GRK4: variants seen among roughly 807,000 people sequenced by gnomAD.
The protein encoded by GRK4 is G protein-coupled receptor kinase 2-like.
GRK4 carries 73 observed loss-of-function variants against 77.9 expected under a neutral mutation model. That is an observed-to-expected ratio of 0.94 (90% CI 0.78 to 1.14). The LOEUF (loss-of-function observed/expected upper bound fraction) is 1.14, where lower values mean the gene tolerates loss of function less well. Among genes scored for constraint, GRK4 ranks in the 50% most tolerant of loss-of-function variants. The pLI is 0.00. For missense variants in GRK4, 729 were observed against 700.2 expected, an observed-to-expected ratio of 1.04 and a Z score of -0.46; for synonymous variants, 257 against 254.4, an observed-to-expected ratio of 1.01 and a Z score of -0.10.
At position 3,019,824 on chromosome 4, in the gene GRK4, G is replaced by A. The variant is rs752109205; in HGVS notation, c.925G>A (p.Val309Ile). Residue 309 changes from valine to isoleucine, a missense_variant, in exon 9 of 16, where the codon GTA becomes ATA. Physicochemically the swap from Val to Ile is conservative, Grantham distance 29. Coordinates refer to ENST00000398052, the MANE Select transcript of GRK4 (RefSeq NM_182982.3). ...GGAAGATTTACAGAGGGAAAGAATT[G>A]TATACAGGTAAGAACGGTGCTACCT... Reference protein sequence around the residue: ...GLEDLQRERIVYRDLKPENIL... With the variant: ...GLEDLQRERIIYRDLKPENIL... 5.0e-6 allele frequency: 8 copies of A among 1,613,764 alleles called. No homozygotes were observed. The highest frequency in any genetic ancestry group is 6.8e-6 in the Non-Finnish European group (8 of 1,179,776).
chr4:2,985,835 A>C, intron 2 of GRK4: 1 of 183,496 alleles, frequency 5.4e-6, no homozygotes, highest in Non-Finnish European at 1.2e-5. Flanking sequence ...CGTCTCTACT[A>C]AAAATACAAA....
At chr4:2,988,075 C>CAAAAAAAAAAAAAAGAAAAAA (rs1724928342) in intron 2 of GRK4, among the ~76,000 whole-genome samples, 1 of 33,656 alleles carries the variant, frequency 3.0e-5, no homozygotes, top group Non-Finnish European at 5.8e-5. Flanking sequence ...GGCTCTGTCT[C>CAAAAAAAAAAAAAAGAAAAAA]AAAAAAAAAA....
At chr4:3,004,134 C>G (rs1465688099) in intron 4 of GRK4, 97 bp from the exon 5 acceptor site, 2 of 910,676 alleles carry the variant, frequency 2.2e-6, no homozygotes, top group Admixed American at 2.0e-5. Flanking sequence ...ATTTTATACA[C>G]TTTGTGTTTC....
At chr4:2,999,243 C>T (rs946054726) in intron 4 of GRK4, among the ~76,000 whole-genome samples, 4 of 152,136 alleles carry the variant, frequency 2.6e-5, no homozygotes, top group Non-Finnish European at 4.4e-5. Context: ...GGTATGCACA[C>T]GCCTGGGTGG....
At chr4:2,971,449 A>T (rs1051576973) in intron 1 of GRK4, among the ~76,000 whole-genome samples, 1 of 152,170 alleles carries the variant, frequency 6.6e-6, no homozygotes, top group African/African-American at 2.4e-5. Context: ...GTTGTGGCCT[A>T]TAGTAGGTTC....
intron 12 of GRK4, among the ~76,000 whole-genome samples, chr4:3,030,299 G>A (rs541307411): frequency 6.6e-6 from 1 of 152,318 alleles, no homozygotes; most frequent in South Asian, 2.1e-4. Context: ...ATGAGCCAGT[G>A]GCTGTCAGGG....
Position 3,028,136 on chromosome 4 carries a change from A to G in GRK4, c.1060+135A>G, listed in dbSNP as rs368809818. ...AGTAGATGGCGCAGTGGTGTTTTGA[A>G]TCTCTAACCTGTCAGAGTGTTGAGG... On this transcript the variant is annotated intron_variant, in intron 11 of 15. Transcript: ENST00000398052. The G allele has an allele frequency of 1.3e-4, 90 of 718,898 alleles. No individual in the cohort carries two copies. The Middle Eastern group carries it at 2.4e-3, about 19-fold the overall frequency. 44.5% of individuals were successfully genotyped at this position (718,898 alleles called of 1,614,324 possible).
At chr4:2,990,246 CTTTTTTTTTTTTTTTTTT>C (rs71644371) in intron 3 of GRK4, among the ~76,000 whole-genome samples, 1 of 70,716 alleles carries the variant, frequency 1.4e-5, no homozygotes, top group African/African-American at 6.3e-5. Flanking sequence ...TCTTCTTCTT[CTTTTTTTTTTTTTTTTTT>C]TTTTTTTTTG....
chr4:2,964,016 G>A lies in GRK4; in HGVS notation c.-55G>A, dbSNP rs1324818945. 8 of 1,538,250 alleles carry A rather than the reference G, an allele frequency of 5.2e-6. No individual in the cohort carries two copies. The highest frequency in any genetic ancestry group is 7.1e-6 in the Non-Finnish European group (8 of 1,122,496). ...GGGCGGCGGCGTCTCCTCCTGTTCC[G>A]CCTCCTCAGTCTCCTCGGTCTCGCA... On this transcript the variant is annotated 5_prime_UTR_variant, in exon 1 of 16. Coordinates refer to ENST00000398052, the MANE Select transcript of GRK4 (RefSeq NM_182982.3).
chr4:2,994,692 G>A (rs774799148), intron 4 of GRK4, among the ~76,000 whole-genome samples: 5 of 152,150 alleles, frequency 3.3e-5, no homozygotes, highest in Non-Finnish European at 5.9e-5. Context: ...AGGAGGGAAG[G>A]GGAGGTTATA....
intron 1 of GRK4, among the ~76,000 whole-genome samples, chr4:2,981,964 A>G (rs1483593756): frequency 6.6e-6 from 1 of 152,268 alleles, no homozygotes; most frequent in Non-Finnish European, 1.5e-5. Flanking sequence ...CACCGCCCCT[A>G]TCGTGCACAC....
At chr4:2,964,825 A>G (rs771767647) in intron 1 of GRK4, among the ~76,000 whole-genome samples, 3 of 152,176 alleles carry the variant, frequency 2.0e-5, no homozygotes, top group Non-Finnish European at 2.9e-5. Flanking sequence ...AAGAAGAACA[A>G]GTTTTCTTTT....
chr4:3,021,250 G>T (rs1735991906), intron 9 of GRK4, among the ~76,000 whole-genome samples: 3 of 152,162 alleles, frequency 2.0e-5, no homozygotes, highest in African/African-American at 7.2e-5. Context: ...GTGTTCCTGT[G>T]TGGGTGCCAC....
intron 1 of GRK4, among the ~76,000 whole-genome samples, chr4:2,964,405 C>T (rs559693384): frequency 1.4e-3 from 207 of 152,276 alleles, no homozygotes; most frequent in African/African-American, 4.8e-3. Flanking sequence ...TTGTCCTGTC[C>T]TCTCGGTGTG....
At chr4:3,025,553 C>T (rs931714550) in intron 10 of GRK4, among the ~76,000 whole-genome samples, 1 of 151,400 alleles carries the variant, frequency 6.6e-6, no homozygotes, top group African/African-American at 2.4e-5. Context: ...CCACGCCCGG[C>T]TAATTTTTTA....
At chr4:3,020,245 A>G (rs1735690654) in intron 9 of GRK4, among the ~76,000 whole-genome samples, 1 of 152,134 alleles carries the variant, frequency 6.6e-6, no homozygotes, top group Non-Finnish European at 1.5e-5. Context: ...ACCTCAGGTG[A>G]TCCACGGGCC....
chr4:2,966,942 A>G (rs1000150787), intron 1 of GRK4: 1 of 152,156 alleles, frequency 6.6e-6, no homozygotes, highest in Non-Finnish European at 1.5e-5. Flanking sequence ...TGTTCCCCCA[A>G]AATTCTTATG....
chr4:3,029,522 A>G, intron 12 of GRK4, 113 bp downstream of exon 12: 1 of 830,834 alleles, frequency 1.2e-6, no homozygotes, highest in Admixed American at 2.2e-5. Context: ...AGTCCTGGTC[A>G]CCCACCTCCC....
chr4:2,977,145 C>G (rs1207079860), intron 1 of GRK4, among the ~76,000 whole-genome samples: 1 of 152,108 alleles, frequency 6.6e-6, no homozygotes, highest in Non-Finnish European at 1.5e-5. Flanking sequence ...CTCTAAAGGC[C>G]CAAATTTCTG....
Sources: gnomAD v4.1 joint callset for allele counts (sites outside exome capture counted in the v4.1 genomes callset) on GRCh38, gnomAD v4.1.1 for gene constraint, MANE v1.5 for transcripts, NCBI Gene and HGNC (gene_info 2026-07-23, HGNC 2026-07-21) for gene names.